Variants in GDPD4 observed in about 807,000 individuals in gnomAD.
The protein encoded by GDPD4 is glycerophosphodiester phosphodiesterase domain containing 4, also known as glycerophosphodiester phosphodiesterase 6.
In GDPD4, 60 loss-of-function variants were observed where a neutral mutation model predicts 67.8. The observed-to-expected ratio is 0.88, with a 90% CI of 0.72 to 1.10. The LOEUF is 1.10. Among genes scored for constraint, GDPD4 ranks in the 50% least tolerant of loss-of-function variants. GDPD4 has a pLI of 0.00. For synonymous variants in GDPD4, 212 were observed against 210.9 expected, an observed-to-expected ratio of 1.00 and a Z score of -0.04; for missense variants, 623 against 613.9, an observed-to-expected ratio of 1.01 and a Z score of -0.16.
At chr11:77,233,277 CAG>C in intron 13 of GDPD4, 105 bp from the exon 14 acceptor site, 3 of 1,025,566 alleles carry the variant, frequency 2.9e-6, no homozygotes, top group Non-Finnish European at 4.5e-6. Flanking sequence ...CCTAAATCAC[CAG>C]AAGCAGCTGA....
At chr11:77,298,405 G>T (rs1252373851) in intron 1 of GDPD4, among the ~76,000 whole-genome samples, 4 of 152,182 alleles carry the variant, frequency 2.6e-5, no homozygotes, top group Non-Finnish European at 5.9e-5. Flanking sequence ...CCAGCTACTT[G>T]CGAAGCTGAG....
chr11:77,227,758 T>TGC, intron 16 of GDPD4, 106 bp downstream of exon 16: 1 of 767,380 alleles, frequency 1.3e-6, no homozygotes, highest in Middle Eastern at 3.9e-4. Context: ...CCCCCAACTT[T>TGC]CCAGACACCC....
chr11:77,235,976 C>CA lies in GDPD4; in HGVS notation c.1242-2805dup, dbSNP rs1269645852. Among the ~76,000 whole-genome samples, 504 of 83,384 alleles carry CA rather than the reference C, an allele frequency of 6.0e-3. 3 individuals carry two copies. The highest frequency in any genetic ancestry group is 0.012 in the South Asian group (33 of 2,830). The allele number at this position is 83,384 out of a possible 152,430, so 54.7% of individuals were successfully genotyped here. On this transcript the variant is annotated intron_variant, in intron 13 of 16. Coordinates refer to ENST00000315938, the MANE Select transcript of GDPD4 (RefSeq NM_182833.3). ...GTCTCTATTAAAAACAAAAAAAAAA[C>CA]AAAAAAAAAAACAAATTGAAGAGAT... is the stretch of plus-strand genomic sequence containing the variant.
rs1412653770 is a variant in GDPD4 at position 77,243,583 on chromosome 11, C to G, written c.1241+111G>C. ...AAGAAAGGAGATTCAAAGGAGATAA[C>G]CACACACAGAAATTCCGAGATGGAA... On this transcript the variant is annotated intron_variant, in intron 13 of 16. Coordinates refer to ENST00000315938, the MANE Select transcript of GDPD4 (RefSeq NM_182833.3). The G allele has an allele frequency of 7.5e-6, 7 of 931,136 alleles. No individual in the cohort carries two copies. The Admixed American group carries it at 1.4e-4, about 18-fold the overall frequency. The allele number at this position is 931,136 out of a possible 1,614,324, so 57.7% of individuals were successfully genotyped here. A position where few individuals can be genotyped will look rare whatever the true frequency, so the allele number is the denominator to read the frequency against.
At chr11:77,271,509 C>A in intron 5 of GDPD4, 116 bp from the exon 6 acceptor site, 2 of 650,630 alleles carry the variant, frequency 3.1e-6, no homozygotes, top group Non-Finnish European at 5.5e-6. Flanking sequence ...CTTCCTCATT[C>A]TTTTACCATA....
At chr11:77,232,915 T>A (rs1010072138) in intron 14 of GDPD4, 110 bp downstream of exon 14, 3 of 907,458 alleles carry the variant, frequency 3.3e-6, no homozygotes, top group Non-Finnish European at 5.1e-6. Context: ...CATAGAAGTC[T>A]GTACTCTTAA....
chr11:77,272,350 T>A (rs1320894150), intron 5 of GDPD4, among the ~76,000 whole-genome samples: 1 of 152,128 alleles, frequency 6.6e-6, no homozygotes, highest in East Asian at 1.9e-4. Context: ...AAACAACCTA[T>A]TAGGAAAAAC....
At chr11:77,270,359 T>A (rs1180625064) in intron 7 of GDPD4, among the ~76,000 whole-genome samples, 1 of 152,226 alleles carries the variant, frequency 6.6e-6, no homozygotes, top group African/African-American at 2.4e-5. Flanking sequence ...TGACATGGTC[T>A]CACAGGGGAC....
chr11:77,297,399 G>A (rs573637787), intron 1 of GDPD4, among the ~76,000 whole-genome samples: 7 of 152,060 alleles, frequency 4.6e-5, no homozygotes, highest in East Asian at 1.9e-4. Flanking sequence ...AGCCAGGCGC[G>A]GTGGCTGGTG....
At chr11:77,266,509 G>A (rs1375559016) in intron 10 of GDPD4, among the ~76,000 whole-genome samples, 3 of 152,048 alleles carry the variant, frequency 2.0e-5, no homozygotes, top group African/African-American at 7.3e-5. Flanking sequence ...TGTTATTTTA[G>A]AGTATATACA....
At chr11:77,293,910 T>A (rs1356191928) in intron 1 of GDPD4, among the ~76,000 whole-genome samples, 1 of 152,086 alleles carries the variant, frequency 6.6e-6, no homozygotes, top group African/African-American at 2.4e-5. Flanking sequence ...TCCTAGCCAG[T>A]GCAATAAGGC....
intron 1 of GDPD4, among the ~76,000 whole-genome samples, chr11:77,287,695 A>T (rs569607775): frequency 1.3e-5 from 2 of 152,298 alleles, no homozygotes; most frequent in South Asian, 4.1e-4. Flanking sequence ...TCACCAACTA[A>T]TAAATGCTGA....
intron 1 of GDPD4, among the ~76,000 whole-genome samples, chr11:77,297,503 T>C (rs1219760537): frequency 1.4e-5 from 2 of 140,716 alleles, no homozygotes; most frequent in African/African-American, 5.4e-5. Context: ...ACCACTGCAC[T>C]CCAGCCTGGA....
intron 13 of GDPD4, among the ~76,000 whole-genome samples, chr11:77,236,449 A>C (rs1475164814): frequency 6.6e-6 from 1 of 152,114 alleles, no homozygotes; most frequent in Non-Finnish European, 1.5e-5. Context: ...GTCCGAGATT[A>C]TCCTACTAGA....
rs778149172 is a variant in GDPD4 at position 77,268,970 on chromosome 11, T to C, written c.578A>G (p.Asn193Ser). ...AAAGATGGTTGGCTTGGGCCCCAAATTCTCCTTCTCCTGAATGCAGGGAGA... is the reference window on the plus strand; with the variant it reads ...AAAGATGGTTGGCTTGGGCCCCAAACTCTCCTTCTCCTGAATGCAGGGAGA... ...IYSPCIQEKENLGPKPTIFGH... is the reference protein window; with the variant it reads ...IYSPCIQEKESLGPKPTIFGH... The change falls in exon 9 of 17, where the codon AAT (asparagine) becomes AGT (serine). Residue 193 changes from asparagine to serine, a missense_variant. Coordinates refer to ENST00000315938, the MANE Select transcript of GDPD4 (RefSeq NM_182833.3). 6.2e-7 allele frequency: 1 copy of C among 1,614,108 alleles called. No homozygotes were observed. Among genetic ancestry groups the C allele is most frequent in the South Asian group, 1.1e-5 (1 of 91,076 alleles).
chr11:77,226,477 G>A (rs182333097), intron 16 of GDPD4, among the ~76,000 whole-genome samples: 14 of 152,292 alleles, frequency 9.2e-5, no homozygotes, highest in Middle Eastern at 3.4e-3. Flanking sequence ...TGAACACACA[G>A]TGAGAAGGCA....
chr11:77,284,573 G>A (rs1226517995), intron 3 of GDPD4, among the ~76,000 whole-genome samples: 6 of 152,180 alleles, frequency 3.9e-5, no homozygotes, highest in Admixed American at 3.9e-4. Flanking sequence ...AGCCAGAAAA[G>A]GGCTGGGAAC....
intron 7 of GDPD4, among the ~76,000 whole-genome samples, chr11:77,270,449 G>T (rs1330555339): frequency 6.6e-6 from 1 of 152,210 alleles, no homozygotes; most frequent in Non-Finnish European, 1.5e-5. Flanking sequence ...CGGGCGCAGT[G>T]GCTCACGCCT....
chr11:77,294,856 A>G (rs1937895878), intron 1 of GDPD4, among the ~76,000 whole-genome samples: 1 of 151,998 alleles, frequency 6.6e-6, no homozygotes, highest in Non-Finnish European at 1.5e-5. Context: ...TGGTCTATTC[A>G]TGTTTGACAG....
Sources: gnomAD v4.1 joint callset for allele counts (sites outside exome capture counted in the v4.1 genomes callset) on GRCh38, gnomAD v4.1.1 for gene constraint, MANE v1.5 for transcripts, NCBI Gene and HGNC (gene_info 2026-07-23, HGNC 2026-07-21) for gene names.